MAPKBP1: variants seen among roughly 807,000 people sequenced by gnomAD.
MAPKBP1 encodes the protein mitogen-activated protein kinase-binding protein 1.
A neutral mutation model predicts 170.5 loss-of-function variants in MAPKBP1; 71 were observed. That is an observed-to-expected ratio of 0.42 (90% CI 0.34 to 0.51). The LOEUF (loss-of-function observed/expected upper bound fraction) is 0.51. Among genes scored for constraint, MAPKBP1 ranks in the 20% least tolerant of loss-of-function variants. MAPKBP1 has a pLI of 0.06. For synonymous variants in MAPKBP1, 719 were observed against 757.9 expected, an observed-to-expected ratio of 0.95 and a Z score of 0.84; for missense variants, 1,598 against 1,933.0, an observed-to-expected ratio of 0.83 and a Z score of 3.25.
At chr15:41,798,209 C>T (rs1393024619) in intron 2 of MAPKBP1, among the ~76,000 whole-genome samples, 1 of 137,724 alleles carries the variant, frequency 7.3e-6, no homozygotes, top group Non-Finnish European at 1.6e-5. Context: ...GAGATGGTGC[C>T]ACTGCACTCC....
rs894297932 is a variant in MAPKBP1, at chr15:41,825,808, G to C, written c.*372G>C. On this transcript the variant is annotated 3_prime_UTR_variant, in exon 31 of 31. Coordinates refer to ENST00000457542, the MANE Select transcript of MAPKBP1 (RefSeq NM_014994.3). ...GCAGGGATTAGCTCCCTGTGGTGGA[G>C]CATACACAGGGTACTCTGGGGTCGA... 5.6e-6 allele frequency: 1 copy of C among 180,162 alleles called. No individual in the cohort carries two copies. The highest frequency in any genetic ancestry group is 6.1e-5 in the Admixed American group (1 of 16,452). 11.2% of individuals were successfully genotyped at this position (180,162 alleles called of 1,614,324 possible).
chr15:41,791,781 C>T (rs1567137875), intron 2 of MAPKBP1, among the ~76,000 whole-genome samples: 3 of 152,176 alleles, frequency 2.0e-5, no homozygotes, highest in African/African-American at 7.2e-5. Context: ...TGGTTCTCCT[C>T]CTCTCTTTCT....
Position 41,814,510 on chromosome 15 carries a change from C to T in MAPKBP1, c.981-40C>T, listed in dbSNP as rs749784224. ...TTGTGGATTGGCTTCTCTTTTCATT[C>T]CCTTCAGTCTGACCAGTGTGCCCTG... On this transcript the variant is annotated intron_variant, in intron 9 of 30. Transcript: ENST00000457542. 6.3e-6 allele frequency: 10 copies of T among 1,585,248 alleles called. No individual in the cohort carries two copies. The Admixed American group carries it at 1.0e-4, about 17-fold the overall frequency.
In MAPKBP1 at chr15:41,825,359, C is replaced by G. The variant is rs768677288; in HGVS notation, c.4450C>G (p.Gln1484Glu). ...CAGCCCTGGGGCTGTGGGAGCCGAG[C>G]AGACACAGGCCCTGCTGGAGCAATA... ...GSSPGAVGAE[Q>E]TQALLEQYSE... Residue 1484 changes from glutamine (Q) to glutamate (E), a missense_variant, in exon 31 of 31, where the codon CAG (glutamine) becomes GAG (glutamate). By Grantham distance (29) the Gln-to-Glu change is conservative. Transcript: ENST00000457542. The G allele has an allele frequency of 1.1e-5, 17 of 1,613,502 alleles. No individual in the cohort carries two copies. Among genetic ancestry groups the G allele is most frequent in the Non-Finnish European group, 1.4e-5 (16 of 1,179,998 alleles).
intron 2 of MAPKBP1, among the ~76,000 whole-genome samples, chr15:41,782,000 G>C (rs2064196294): frequency 1.3e-5 from 2 of 150,906 alleles, no homozygotes; most frequent in Non-Finnish European, 2.9e-5. Flanking sequence ...TGTAATCCTA[G>C]CATTTTGGGA....
In MAPKBP1 at chr15:41,821,523, C is replaced by A. The variant is rs565343412; in HGVS notation, c.2719-61C>A. ...CCCCAGGATACTCAGGGCTTACCCC[C>A]CAGCTACCACTGCCTCATCTGTCAC... On this transcript the variant is annotated intron_variant, in intron 23 of 30. Transcript: ENST00000457542. 8 of 1,550,556 alleles carry A rather than the reference C, an allele frequency of 5.2e-6. No homozygotes were observed. In the South Asian group the frequency reaches 8.1e-5, roughly 16 times the overall value.
At chr15:41,798,041 G>T (rs1781929934) in intron 2 of MAPKBP1, among the ~76,000 whole-genome samples, 1 of 151,748 alleles carries the variant, frequency 6.6e-6, no homozygotes, top group South Asian at 2.1e-4. Flanking sequence ...ACGAGGTCAG[G>T]AGATCGAGAC....
intron 6 of MAPKBP1, 29 bp from the exon 7 acceptor site, chr15:41,812,487 C>T (rs1040610664): frequency 6.8e-6 from 11 of 1,614,072 alleles, no homozygotes; most frequent in African/African-American, 1.3e-5. Flanking sequence ...GAGACAGAGC[C>T]TTGATTCTTC....
chr15:41,821,156 G>A (rs1053875242), intron 23 of MAPKBP1, 88 bp downstream of exon 23: 1 of 1,230,054 alleles, frequency 8.1e-7, no homozygotes, highest in South Asian at 1.3e-5. Context: ...CACTGGTCCA[G>A]CTATGCTTGC....
At chr15:41,781,058 TTTTTTTGCTTTTTTTTTTTTCCTTTTTTC>T (rs1307190159) in intron 2 of MAPKBP1, among the ~76,000 whole-genome samples, 6 of 96,370 alleles carry the variant, frequency 6.2e-5, no homozygotes, top group African/African-American at 1.9e-4. Context: ...TGCAATGCTT[TTTTTTTGCTTTTTTTTTTTTCCTTTTTTC>T]TTTTTTGAGA....
intron 29 of MAPKBP1, 150 bp downstream of exon 29, chr15:41,824,211 C>CAGGGGTGTGA: frequency 9.1e-7 from 1 of 1,104,822 alleles, no homozygotes; most frequent in Non-Finnish European, 1.3e-6. Flanking sequence ...AAGTCACACC[C>CAGGGGTGTGA]CTGATGGTGA....
chr15:41,796,201 G>C lies in MAPKBP1; in HGVS notation c.115-3622G>C, dbSNP rs1330009391. 2.6e-5 allele frequency among the ~76,000 whole-genome samples: 4 copies of C among 152,308 alleles called. No homozygotes were observed. In the South Asian group the frequency reaches 8.3e-4, roughly 32 times the overall value. ...CCGAATGTGGGAAAAGTTGTGCCCA[G>C]TCAGCATTCTTGAGTTGGTGCAAGC... is the stretch of plus-strand genomic sequence containing the variant. On this transcript the variant is annotated intron_variant, in intron 2 of 30. Coordinates refer to ENST00000457542, the MANE Select transcript of MAPKBP1 (RefSeq NM_014994.3).
In MAPKBP1 at chr15:41,823,837, A is replaced by G; in HGVS notation, c.3989A>G (p.Lys1330Arg). The change falls in exon 29 of 31, where the codon AAA (lysine) becomes AGA (arginine). Residue 1330 changes from lysine to arginine, a missense_variant. Physicochemically the swap from Lys to Arg is conservative, Grantham distance 26. This residue lies in a region of MAPKBP1 where 942 missense variants were observed against 953.2 expected (regional missense o/e 0.99). Coordinates refer to ENST00000457542, the MANE Select transcript of MAPKBP1 (RefSeq NM_014994.3). ...CCTGGCTTCCCGGTGGGCCTAGGAA[A>G]AGCTCACAGTACAACTGAGAGATGG... ...EKPGFPVGLG[K>R]AHSTTERWAC... 3.1e-6 allele frequency: 5 copies of G among 1,614,110 alleles called. No homozygotes were observed. Among genetic ancestry groups the G allele is most frequent in the Middle Eastern group, 1.6e-4 (1 of 6,062 alleles).
chr15:41,794,758 G>A (rs1218333535), intron 2 of MAPKBP1, among the ~76,000 whole-genome samples: 1 of 152,142 alleles, frequency 6.6e-6, no homozygotes, highest in Non-Finnish European at 1.5e-5. Context: ...CAGCAACCTA[G>A]GTCCTGTCCT....
intron 2 of MAPKBP1, among the ~76,000 whole-genome samples, chr15:41,780,925 A>G (rs1596060490): frequency 1.3e-5 from 2 of 152,174 alleles, no homozygotes; most frequent in South Asian, 2.1e-4. Flanking sequence ...GTGCTTCTTC[A>G]TTGGTCACAT....
chr15:41,812,823 G>T (rs1481450373), intron 7 of MAPKBP1, 96 bp from the exon 8 acceptor site: 18 of 1,466,952 alleles, frequency 1.2e-5, no homozygotes, highest in Non-Finnish European at 1.6e-5. Flanking sequence ...AAAGAGCAAG[G>T]AGGTGCTGGA....
In MAPKBP1 at chr15:41,823,153, A is replaced by G; in HGVS notation, c.3529A>G (p.Arg1177Gly). 1.9e-6 allele frequency: 3 copies of G among 1,613,642 alleles called. No individual in the cohort carries two copies. Among genetic ancestry groups the G allele is most frequent in the Non-Finnish European group, 2.5e-6 (3 of 1,180,012 alleles). ...LNPDSSWAPK[R>G]VATASPFSGL... ...CCCTGACAGCAGCTGGGCTCCCAAG[A>G]GAGTGGCCACAGCCAGCCCCTTTTC... The change falls in exon 28 of 31, where the codon AGA becomes GGA. Residue 1177 changes from arginine (R) to glycine (G), a missense_variant. By Grantham distance (125) the Arg-to-Gly change is moderately radical. Transcript: ENST00000457542.
intron 21 of MAPKBP1, 38 bp from the exon 22 acceptor site, chr15:41,819,557 G>GGGGGGAGGGGA: frequency 7.2e-7 from 1 of 1,384,690 alleles, no homozygotes; most frequent in Non-Finnish European, 1.0e-6. Flanking sequence ...CGGGGGGGGG[G>GGGGGGAGGGGA]CAGGAGACAC....
rs1209880357 is a variant in MAPKBP1 at position 41,817,227 on chromosome 15, G to A, written c.1712-161G>A. Reference sequence around the variant, plus strand: ...ACTTGAGCCAACCAGGTTGGACTGAGGATAAGGAGACAGGAAAACCTGGGT... The same window carrying A: ...ACTTGAGCCAACCAGGTTGGACTGAAGATAAGGAGACAGGAAAACCTGGGT... On this transcript the variant is annotated intron_variant, in intron 14 of 30. Coordinates refer to ENST00000457542, the MANE Select transcript of MAPKBP1 (RefSeq NM_014994.3). This position sits in a 1 kb window ranked among gnomAD's most constrained non-coding sequence, Gnocchi z 4.2. Among the ~76,000 whole-genome samples the A allele has an allele frequency of 3.9e-5, 6 of 152,204 alleles. No individual in the cohort carries two copies. The highest frequency in any genetic ancestry group is 2.1e-4 in the South Asian group (1 of 4,832).
Sources: allele counts gnomAD v4.1 joint callset (sites outside exome capture counted in the v4.1 genomes callset), GRCh38; gene constraint gnomAD v4.1.1; regional missense constraint gnomAD v4.1.1; non-coding constraint Gnocchi (gnomAD v3.1); transcripts MANE v1.5; gene names NCBI Gene and HGNC (gene_info 2026-07-23, HGNC 2026-07-21).